Variants in PRR16 observed in about 807,000 individuals in gnomAD.
PRR16 encodes proline rich 16, also known as protein Largen.
PRR16 carries 6 observed loss-of-function variants against 18.2 expected under a neutral mutation model. The observed-to-expected ratio is 0.33, with a 90% CI of 0.18 to 0.65. PRR16 has a LOEUF of 0.65. Among genes scored for constraint, PRR16 ranks in the 30% least tolerant of loss-of-function variants. The probability of loss-of-function intolerance (pLI) is 0.74; values close to 1 mark genes in which losing one functional copy is unlikely to be tolerated. For synonymous variants in PRR16, 151 were observed against 147.8 expected, an observed-to-expected ratio of 1.02 and a Z score of -0.16; for missense variants, 412 against 376.6, an observed-to-expected ratio of 1.09 and a Z score of -0.78.
chr5:120,775,707 G>A, the PRR16 span, among the ~76,000 whole-genome samples: 7 of 147,406 alleles, frequency 4.7e-5, no homozygotes, highest in African/African-American at 7.5e-5. Flanking sequence ...CTCGGCTCAT[G>A]GCAACCTCCA....
intron 1 of PRR16, among the ~76,000 whole-genome samples, chr5:120,587,883 A>G (rs1753500925): frequency 6.6e-6 from 1 of 152,204 alleles, no homozygotes; most frequent in South Asian, 2.1e-4. Context: ...GATATGGGAA[A>G]AGTAAATTAA....
At chr5:120,484,332 A>G (rs1287037344) in intron 1 of PRR16, among the ~76,000 whole-genome samples, 3 of 125,282 alleles carry the variant, frequency 2.4e-5, no homozygotes, top group East Asian at 2.2e-4. Flanking sequence ...TTATATATAA[A>G]TGTATATACT....
chr5:120,679,432 A>G (rs1756905692), intron 1 of PRR16, among the ~76,000 whole-genome samples: 1 of 152,024 alleles, frequency 6.6e-6, no homozygotes, highest in Non-Finnish European at 1.5e-5. Context: ...TTTAGGTGCA[A>G]TTTCATACTT....
the PRR16 span, among the ~76,000 whole-genome samples, chr5:120,698,226 T>C: frequency 4.5e-3 from 678 of 151,884 alleles, 5 homozygotes; most frequent in African/African-American, 0.016. Flanking sequence ...GATTTTGTGG[T>C]AAGGGGTGAT....
At chr5:120,510,696 A>G (rs1434671831) in intron 1 of PRR16, among the ~76,000 whole-genome samples, 1 of 152,152 alleles carries the variant, frequency 6.6e-6, no homozygotes, top group Non-Finnish European at 1.5e-5. Flanking sequence ...TCTATTTACC[A>G]TGGTCTCCAG....
At chr5:120,498,839 G>A (rs1460872392) in intron 1 of PRR16, among the ~76,000 whole-genome samples, 1 of 151,848 alleles carries the variant, frequency 6.6e-6, no homozygotes, top group Admixed American at 6.6e-5. Context: ...TTTAAAAATG[G>A]TATGGCATTT....
chr5:120,532,103 G>A (rs1191757266), intron 1 of PRR16, among the ~76,000 whole-genome samples: 6 of 152,108 alleles, frequency 3.9e-5, no homozygotes, highest in African/African-American at 7.2e-5. Context: ...TTTATATGAT[G>A]ATTGTACAAT....
At chr5:120,632,095 C>T (rs1262802425) in intron 1 of PRR16, among the ~76,000 whole-genome samples, 1 of 152,142 alleles carries the variant, frequency 6.6e-6, no homozygotes, top group Non-Finnish European at 1.5e-5. Context: ...CAGCCTGGAG[C>T]CCAGTAGCTC....
At chr5:120,699,360 G>T in the PRR16 span, among the ~76,000 whole-genome samples, 3 of 152,184 alleles carry the variant, frequency 2.0e-5, no homozygotes, top group Non-Finnish European at 4.4e-5. Context: ...CGTGATCAGG[G>T]TGAGGAACAG....
intron 1 of PRR16, among the ~76,000 whole-genome samples, chr5:120,643,430 G>T (rs1019908908): frequency 6.6e-6 from 1 of 152,068 alleles, no homozygotes; most frequent in Non-Finnish European, 1.5e-5. Context: ...GTAACTGGAT[G>T]TTTAAACTCA....
chr5:120,739,147 A>T, the PRR16 span, among the ~76,000 whole-genome samples: 1 of 152,258 alleles, frequency 6.6e-6, no homozygotes, highest in Non-Finnish European at 1.5e-5. Flanking sequence ...TAACAGAAAA[A>T]ATTAGTGAAA....
At chr5:120,698,549 C>A in the PRR16 span, among the ~76,000 whole-genome samples, 1 of 144,722 alleles carries the variant, frequency 6.9e-6, no homozygotes, top group Non-Finnish European at 1.5e-5. Flanking sequence ...TAGTTGAGAA[C>A]CGTGAATAGG....
At chr5:120,734,994 A>G in the PRR16 span, among the ~76,000 whole-genome samples, 1 of 152,172 alleles carries the variant, frequency 6.6e-6, no homozygotes, top group Non-Finnish European at 1.5e-5. Context: ...AGCTGAAACT[A>G]TGGCCATTGA....
intron 1 of PRR16, among the ~76,000 whole-genome samples, chr5:120,595,160 C>G (rs1348345063): frequency 6.6e-6 from 1 of 151,804 alleles, no homozygotes; most frequent in Non-Finnish European, 1.5e-5. Flanking sequence ...AAGAAAATAC[C>G]AATAGAGTAA....
the PRR16 span, among the ~76,000 whole-genome samples, chr5:120,720,012 G>C: frequency 6.6e-6 from 1 of 151,990 alleles, no homozygotes; most frequent in African/African-American, 2.4e-5. Flanking sequence ...CCTGCACATA[G>C]TGGAAGGTTT....
the PRR16 span, among the ~76,000 whole-genome samples, chr5:120,698,517 A>ACCGG: frequency 2.7e-3 from 369 of 134,770 alleles, no homozygotes; most frequent in Middle Eastern, 0.012. Flanking sequence ...AACAGTGTAA[A>ACCGG]CAAGAGCAGG....
chr5:120,756,427 C>A, the PRR16 span, among the ~76,000 whole-genome samples: 1 of 152,028 alleles, frequency 6.6e-6, no homozygotes, highest in Admixed American at 6.6e-5. Context: ...AGTATGTAAG[C>A]ATTTCCTTTT....
intron 1 of PRR16, among the ~76,000 whole-genome samples, chr5:120,522,661 A>G (rs534332113): frequency 6.6e-6 from 1 of 152,328 alleles, no homozygotes; most frequent in East Asian, 1.9e-4. Flanking sequence ...GCTGGAGTGC[A>G]GTGGCACGAT....
At chr5:120,674,949 ATG>A (rs1756744946) in intron 1 of PRR16, among the ~76,000 whole-genome samples, 1 of 151,686 alleles carries the variant, frequency 6.6e-6, no homozygotes. Context: ...TTTTTTACGT[ATG>A]TGTTATTATT....
Sources: allele counts gnomAD v4.1 joint callset (sites outside exome capture counted in the v4.1 genomes callset), GRCh38; gene constraint gnomAD v4.1.1; transcripts MANE v1.5; gene names NCBI Gene and HGNC (gene_info 2026-07-23, HGNC 2026-07-21).